MGMT: variants seen among roughly 807,000 people sequenced by gnomAD.
MGMT encodes methylated-DNA--protein-cysteine methyltransferase.
In MGMT, 14 loss-of-function variants were observed where a neutral mutation model predicts 15.9. The ratio of observed to expected loss-of-function variants is 0.88; its 90% CI spans 0.58 to 1.37. MGMT has a LOEUF of 1.37. MGMT is among the 40% of genes most tolerant of loss of function. The probability of loss-of-function intolerance (pLI) is 0.00; values close to 1 mark genes in which losing one functional copy is unlikely to be tolerated. For missense variants in MGMT, 282 were observed against 268.1 expected (o/e 1.05, Z -0.36); for synonymous variants, 130 against 118.2 (o/e 1.10, Z -0.65).
intron 1 of MGMT, among the ~76,000 whole-genome samples, chr10:129,509,034 C>T (rs1437619612): frequency 6.6e-6 from 1 of 152,094 alleles, no homozygotes; most frequent in South Asian, 2.1e-4. Context: ...TTGAAGGAAG[C>T]GGCTCTTTTC....
chr10:129,624,400 A>G (rs1847123439), intron 2 of MGMT, among the ~76,000 whole-genome samples: 1 of 152,182 alleles, frequency 6.6e-6, no homozygotes, highest in African/African-American at 2.4e-5. Context: ...TTTGGAGGAC[A>G]GAGACATTGG....
chr10:129,632,737 T>G (rs747192365), intron 2 of MGMT, among the ~76,000 whole-genome samples: 28 of 152,268 alleles, frequency 1.8e-4, no homozygotes, highest in Non-Finnish European at 3.8e-4. Context: ...CCCAGTCACA[T>G]ACCACAGTGG....
chr10:129,638,392 A>T (rs1847285800), intron 2 of MGMT, among the ~76,000 whole-genome samples: 2 of 150,058 alleles, frequency 1.3e-5, no homozygotes. Flanking sequence ...CACATGAAAG[A>T]CTTAAGAATA....
rs1296381081 is a variant in MGMT, at chr10:129,746,730, A to T, written c.275-12472A>T. ...GGTATTTATCCCTTTGCAAATACAT[A>T]ATTATTATTATGTATAGTAAGTCTT... On this transcript the variant is annotated intron_variant, in intron 3 of 4. Coordinates refer to ENST00000651593, the MANE Select transcript of MGMT (RefSeq NM_002412.5). 2.0e-5 allele frequency among the ~76,000 whole-genome samples: 3 copies of T among 152,116 alleles called. No homozygotes were observed. The East Asian group carries it at 5.8e-4, about 29-fold the overall frequency.
intron 2 of MGMT, among the ~76,000 whole-genome samples, chr10:129,658,301 C>T (rs114734579): frequency 6.6e-6 from 1 of 152,122 alleles, no homozygotes; most frequent in Non-Finnish European, 1.5e-5. Flanking sequence ...TGACGAACAG[C>T]GTCGCCTTGC....
chr10:129,693,199 G>A (rs1391252314), intron 2 of MGMT, among the ~76,000 whole-genome samples: 1 of 152,224 alleles, frequency 6.6e-6, no homozygotes, highest in Non-Finnish European at 1.5e-5. Flanking sequence ...AACAGGTGGA[G>A]GATTTCCAGG....
intron 2 of MGMT, 93 bp downstream of exon 2, chr10:129,536,470 G>A (rs763452720): frequency 1.5e-5 from 22 of 1,485,102 alleles, no homozygotes; most frequent in Non-Finnish European, 1.5e-5. Context: ...TGATGGCAGG[G>A]TAACGCATAG....
At chr10:129,697,533 G>T (rs1848046111) in intron 2 of MGMT, among the ~76,000 whole-genome samples, 1 of 152,180 alleles carries the variant, frequency 6.6e-6, no homozygotes. Context: ...CTCCCCCAAG[G>T]GTCTTTGGGA....
chr10:129,527,180 G>A (rs374262507), intron 1 of MGMT, among the ~76,000 whole-genome samples: 4 of 152,220 alleles, frequency 2.6e-5, no homozygotes, highest in East Asian at 1.9e-4. Flanking sequence ...GTGCAAGCCT[G>A]AGAGGCAGAC....
chr10:129,735,239 C>T lies in MGMT; in HGVS notation c.275-23963C>T, dbSNP rs368774598. Among the ~76,000 whole-genome samples, 60 of 152,268 alleles carry T rather than the reference C, an allele frequency of 3.9e-4. No individual in the cohort carries two copies. In the Middle Eastern group the frequency reaches 0.01, roughly 26 times the overall value. Reference sequence around the variant, plus strand: ...ATTGATTATTGCCACAATTTCAGCTCCTGTTATTGGTCTATTCAGAGATTC... The same window carrying T: ...ATTGATTATTGCCACAATTTCAGCTTCTGTTATTGGTCTATTCAGAGATTC... On this transcript the variant is annotated intron_variant, in intron 3 of 4. Transcript: ENST00000651593.
chr10:129,730,280 G>C (rs1017585822), intron 3 of MGMT, among the ~76,000 whole-genome samples: 1 of 152,178 alleles, frequency 6.6e-6, no homozygotes, highest in South Asian at 2.1e-4. Context: ...AATGGAAGAC[G>C]TGAACTGATG....
At chr10:129,657,691 A>ACACACACACACACACACG (rs1847542056) in intron 2 of MGMT, among the ~76,000 whole-genome samples, 1 of 141,550 alleles carries the variant, frequency 7.1e-6, no homozygotes, top group Non-Finnish European at 1.5e-5. Flanking sequence ...ACACACACAC[A>ACACACACACACACACACG]CACACACACA....
intron 3 of MGMT, among the ~76,000 whole-genome samples, chr10:129,750,750 A>G (rs1047021640): frequency 3.9e-5 from 6 of 152,110 alleles, no homozygotes; most frequent in Admixed American, 6.5e-5. Flanking sequence ...CCAATACCCA[A>G]TGGATACCAA....
intron 2 of MGMT, among the ~76,000 whole-genome samples, chr10:129,558,514 C>G (rs771548012): frequency 6.6e-6 from 1 of 152,146 alleles, no homozygotes; most frequent in Non-Finnish European, 1.5e-5. Context: ...TTTGTGGTGG[C>G]GGGGGCCAGT....
intron 1 of MGMT, among the ~76,000 whole-genome samples, chr10:129,476,492 C>T (rs1845295809): frequency 6.6e-6 from 1 of 152,260 alleles, no homozygotes; most frequent in Non-Finnish European, 1.5e-5. Context: ...GAAGCAGCTC[C>T]GTGGTCTCCA....
intron 1 of MGMT, among the ~76,000 whole-genome samples, chr10:129,522,408 C>G (rs1845823702): frequency 6.6e-6 from 1 of 152,152 alleles, no homozygotes; most frequent in South Asian, 2.1e-4. Flanking sequence ...GTGTGTGACT[C>G]CTGGACGGTT....
At chr10:129,699,173 G>A (rs1318234204) in intron 2 of MGMT, among the ~76,000 whole-genome samples, 1 of 152,108 alleles carries the variant, frequency 6.6e-6, no homozygotes, top group Admixed American at 6.5e-5. Context: ...AACATTTGGA[G>A]GGGGGAGGTA....
At chr10:129,677,457 T>C (rs533052300) in intron 2 of MGMT, among the ~76,000 whole-genome samples, 2 of 152,108 alleles carry the variant, frequency 1.3e-5, no homozygotes, top group South Asian at 4.2e-4. Flanking sequence ...CAACCTCAGG[T>C]TTTCGCAGCC....
chr10:129,757,136 T>C (rs1206546965), intron 3 of MGMT, among the ~76,000 whole-genome samples: 3 of 152,232 alleles, frequency 2.0e-5, no homozygotes, highest in African/African-American at 7.2e-5. Flanking sequence ...TACTTCCTCA[T>C]ATGTTGCCTG....
Sources: gnomAD v4.1 joint callset for allele counts (sites outside exome capture counted in the v4.1 genomes callset) on GRCh38, gnomAD v4.1.1 for gene constraint, MANE v1.5 for transcripts, NCBI Gene and HGNC (gene_info 2026-07-23, HGNC 2026-07-21) for gene names.